AGRN: variants seen among roughly 807,000 people sequenced by gnomAD.
The protein encoded by AGRN is agrin proteoglycan.
AGRN carries 106 observed loss-of-function variants against 211.0 expected under a neutral mutation model. The ratio of observed to expected loss-of-function variants is 0.50; its 90% CI spans 0.43 to 0.59. The LOEUF (loss-of-function observed/expected upper bound fraction) is 0.59. Ranked by LOEUF, AGRN falls within the 20% of genes least tolerant of loss-of-function variation. AGRN has a pLI of 0.00. For synonymous variants in AGRN, 1,525 were observed against 1,332.5 expected (o/e 1.14, Z -3.15); for missense variants, 3,040 against 2,982.6 (o/e 1.02, Z -0.45).
intron 3 of AGRN, among the ~76,000 whole-genome samples, chr1:1,039,898 T>A (rs1158520779): frequency 6.9e-6 from 1 of 144,362 alleles, no homozygotes; most frequent in African/African-American, 2.6e-5. Context: ...CTGCCGCGGG[T>A]GGGGGGCTGG....
chr1:1,044,527 T>C (rs932103385), intron 12 of AGRN, 88 bp downstream of exon 12: 29 of 1,355,554 alleles, frequency 2.1e-5, no homozygotes, highest in Non-Finnish European at 2.9e-5. Context: ...GTGTGCTGCG[T>C]TGGGCCCCTG....
Position 1,032,683 on chromosome 1 carries a change from C to T in AGRN, c.464-2594C>T, listed in dbSNP as rs1644698674. On this transcript the variant is annotated intron_variant, in intron 2 of 35. Transcript: ENST00000379370. This position sits in a 1 kb window ranked among gnomAD's most constrained non-coding sequence, Gnocchi z 4.7. ...GGTCCGCGGTGCTGGAGGGGACTGG[C>T]GGAGCAGAAGCGCCCTGGCGCCGGG... Among the ~76,000 whole-genome samples, 2 of 152,130 alleles carry T rather than the reference C, an allele frequency of 1.3e-5. No homozygotes were observed. Among genetic ancestry groups the T allele is most frequent in the Non-Finnish European group, 2.9e-5 (2 of 68,016 alleles).
intron 3 of AGRN, among the ~76,000 whole-genome samples, chr1:1,038,066 G>A (rs1644843447): frequency 6.6e-6 from 1 of 152,190 alleles, no homozygotes. Context: ...CTCTTGAGGG[G>A]CAGATGTGTT....
intron 31 of AGRN, 25 bp downstream of exon 31, chr1:1,051,394 C>T: frequency 1.9e-6 from 3 of 1,550,650 alleles, no homozygotes; most frequent in Non-Finnish European, 1.7e-6. Context: ...GGCGTCCCAG[C>T]AGGGCCTCCG....
At position 1,050,589 on chromosome 1, in the gene AGRN, C is replaced by A; in HGVS notation, c.5139C>A (p.Ile1713=). ...ACCTGGGCAAGGGGGCAGCGGTCAT[C>A]AGGTGGGCCGGCAAGGGTGGCTCTG... ...RYDLGKGAAV[I]RSREPVTLGA... Residue 1713 remains isoleucine (I), a splice_region_variant and synonymous_variant, in exon 29 of 36, where the codon ATC becomes ATA. Transcript: ENST00000379370. The A allele has an allele frequency of 1.9e-6, 3 of 1,608,644 alleles. No homozygotes were observed. Among genetic ancestry groups the A allele is most frequent in the Non-Finnish European group, 2.5e-6 (3 of 1,177,528 alleles).
chr1:1,033,537 C>A (rs993505002), intron 2 of AGRN, among the ~76,000 whole-genome samples: 6 of 151,616 alleles, frequency 4.0e-5, no homozygotes, highest in Non-Finnish European at 8.9e-5. Context: ...CAGCACGCGA[C>A]GCTGCCCGGC....
Position 1,040,713 on chromosome 1 carries a change from C to T in AGRN, c.560C>T (p.Ala187Val). 1.3e-6 allele frequency: 2 copies of T among 1,546,834 alleles called. No individual in the cohort carries two copies. Among genetic ancestry groups the T allele is most frequent in the Non-Finnish European group, 1.7e-6 (2 of 1,146,928 alleles). The stretch of plus-strand genomic sequence containing the variant: ...TTCGGCGCCGTGTGCGAGCCCAACG[C>T]GGAGGGGCCGGGCCGGGCGTCCTGC... ...CGFGAVCEPN[A>V]EGPGRASCVC... Residue 187 changes from alanine to valine, a missense_variant, in exon 4 of 36, where the codon GCG becomes GTG. By Grantham distance (64) the Ala-to-Val change is moderately conservative. This residue lies in a region of AGRN where 1,498 missense variants were observed against 1,457.8 expected (regional missense o/e 1.03). Transcript: ENST00000379370.
chr1:1,049,796 G>T lies in AGRN; in HGVS notation c.4744+1G>T, dbSNP rs1405462475. 1 of 1,600,700 alleles carries T rather than the reference G, an allele frequency of 6.2e-7. No homozygotes were observed. Among genetic ancestry groups the T allele is most frequent in the Admixed American group, 1.7e-5 (1 of 58,306 alleles). On this transcript the variant is annotated splice_donor_variant, in intron 26 of 35. Transcript: ENST00000379370. LOFTEE classifies it high-confidence loss of function. The stretch of plus-strand genomic sequence containing the variant: ...TGCCAGTGCCCGCCCGGCCGCGTCG[G>T]TGAGGGTGGGGCCGGGGCGGGTGGG...
chr1:1,054,443 C>T lies in AGRN; in HGVS notation c.5877-5C>T. The T allele has an allele frequency of 2.5e-6, 4 of 1,575,052 alleles. No homozygotes were observed. Among genetic ancestry groups the T allele is most frequent in the South Asian group, 1.2e-5 (1 of 85,972 alleles). On this transcript the variant is annotated splice_polypyrimidine_tract_variant and splice_region_variant and intron_variant, in intron 34 of 35. Transcript: ENST00000379370. ...CTGATGGTCTCCCCCTCCCTGCACA[C>T]CCAGGGAGCAGAGGGAAGGTTCCCT...
Position 1,035,315 on chromosome 1 carries a change from C to T in AGRN, c.502C>T (p.Pro168Ser). ...CCACTTCACTCCAGTGCCTCCGACG[C>T]CTCCTGATGGTGAGTAGGGCTGAGT... ...GTHFTPVPPT[P>S]PDACRGMLCG... is the part of the protein sequence containing the mutation. The change falls in exon 3 of 36, where the codon CCT becomes TCT. Residue 168 changes from proline to serine, a missense_variant. This residue lies in a region of AGRN where 1,498 missense variants were observed against 1,457.8 expected (regional missense o/e 1.03). Transcript: ENST00000379370. 1 of 1,613,126 alleles carries T rather than the reference C, an allele frequency of 6.2e-7. No homozygotes were observed. The highest frequency in any genetic ancestry group is 8.5e-7 in the Non-Finnish European group (1 of 1,179,998).
chr1:1,022,362 C>T lies in AGRN; in HGVS notation c.363C>T (p.Pro121=), dbSNP rs138696597. 1.2e-6 allele frequency: 2 copies of T among 1,613,392 alleles called. No homozygotes were observed. Among genetic ancestry groups the T allele is most frequent in the African/African-American group, 1.3e-5 (1 of 75,036 alleles). Residue 121 remains proline, a synonymous_variant, in exon 2 of 36, where the codon CCC becomes CCT. Transcript: ENST00000379370. The part of the protein sequence containing the change: ...DTRIFFVNPA[P]PYLWPAHKNE... ...GGATCTTCTTTGTGAACCCTGCACC[C>T]CCATACCTGTGGCCAGCCCACAAGA...
Position 1,049,785 on chromosome 1 carries a change from C to T in AGRN, c.4734C>T (p.Pro1578=), listed in dbSNP as rs186574226. The T allele has an allele frequency of 9.2e-5, 147 of 1,594,328 alleles. No homozygotes were observed. In the African/African-American group the frequency reaches 1.6e-3, roughly 18 times the overall value. The change falls in exon 26 of 36, where the codon CCC becomes CCT. Residue 1578 remains proline (P), a synonymous_variant. Coordinates refer to ENST00000379370, the MANE Select transcript of AGRN (RefSeq NM_198576.4). ...GAAGGTTCCATTGCCAGTGCCCGCC[C>T]GGCCGCGTCGGTGAGGGTGGGGCCG... ...EAGRFHCQCP[P]GRVGPTCADE...
In AGRN at chr1:1,045,534, G is replaced by A; in HGVS notation, c.2536+11G>A. 5 of 1,612,416 alleles carry A rather than the reference G, an allele frequency of 3.1e-6. No individual in the cohort carries two copies. Among genetic ancestry groups the A allele is most frequent in the Non-Finnish European group, 3.4e-6 (4 of 1,179,840 alleles). ...GGAGTGGCTGTACACGTGAGTGACA[G>A]GGCCCAGGACTGGCCACCGGCTATG... On this transcript the variant is annotated intron_variant, in intron 14 of 35. Transcript: ENST00000379370.
chr1:1,038,743 C>T (rs10126047), intron 3 of AGRN, among the ~76,000 whole-genome samples: 3,641 of 152,254 alleles, frequency 0.024, 138 homozygotes, highest in African/African-American at 0.083. Context: ...CAGGTCCAGC[C>T]GAAGCCCAGG....
In AGRN at chr1:1,023,872, G is replaced by C. The variant is rs1644463384; in HGVS notation, c.463+1410G>C. Among the ~76,000 whole-genome samples the C allele has an allele frequency of 2.6e-5, 4 of 152,192 alleles. No homozygotes were observed. The South Asian group carries it at 8.3e-4, about 31-fold the overall frequency. On this transcript the variant is annotated intron_variant, in intron 2 of 35. Transcript: ENST00000379370. ...GTCCGTGGGGAGCCCCTGCCAGGTG[G>C]GTGTGGCTTAGCCCAGCTGTGGGCA...
chr1:1,043,805 T>A lies in AGRN; in HGVS notation c.1799-18T>A, dbSNP rs559794659. On this transcript the variant is annotated intron_variant, in intron 9 of 35. Transcript: ENST00000379370. ...CAGCCTGGGCCTGCCGACCCCTGCC[T>A]GGCTCTGTCTCCTGCAGAGACCTGT... 2 of 1,609,696 alleles carry A rather than the reference T, an allele frequency of 1.2e-6. No homozygotes were observed. The highest frequency in any genetic ancestry group is 4.5e-5 in the East Asian group (2 of 44,870).
intron 31 of AGRN, 37 bp from the exon 32 acceptor site, chr1:1,051,416 G>T: frequency 6.5e-7 from 1 of 1,541,936 alleles, no homozygotes; most frequent in South Asian, 1.2e-5. Flanking sequence ...GGCGGGCGGG[G>T]TGGCAGGCGG....
chr1:1,021,430 G>C (rs1456658134), intron 1 of AGRN, among the ~76,000 whole-genome samples: 1 of 152,252 alleles, frequency 6.6e-6, no homozygotes, highest in African/African-American at 2.4e-5. Flanking sequence ...GCAGTCCTGA[G>C]GCTCCCAGCA....
rs145079121 is a variant in AGRN, at chr1:1,053,934, G to A, written c.5833G>A (p.Val1945Met). The part of the protein sequence containing the change: ...GSQPVVLRST[V>M]PVNTNRWLRV... ...CCAGCCCGTGGTGCTGCGTTCCACC[G>A]TGCCCGTCAACACCAACCGCTGGTT... is the stretch of plus-strand genomic sequence containing the variant. Residue 1945 changes from valine to methionine, a missense_variant, in exon 34 of 36, where the codon GTG (valine) becomes ATG (methionine). This residue lies in a region of AGRN where 1,537 missense variants were observed against 1,505.0 expected (regional missense o/e 1.02). Coordinates refer to ENST00000379370, the MANE Select transcript of AGRN (RefSeq NM_198576.4). The A allele has an allele frequency of 8.7e-6, 14 of 1,604,364 alleles. No individual in the cohort carries two copies. Among genetic ancestry groups the A allele is most frequent in the Admixed American group, 5.1e-5 (3 of 58,852 alleles).
Sources: allele counts gnomAD v4.1 joint callset (sites outside exome capture counted in the v4.1 genomes callset), GRCh38; gene constraint gnomAD v4.1.1; regional missense constraint gnomAD v4.1.1; non-coding constraint Gnocchi (gnomAD v3.1); transcripts MANE v1.5; gene names NCBI Gene and HGNC (gene_info 2026-07-23, HGNC 2026-07-21).